The following LHFPL3 variants were observed in gnomAD, a reference collection of about 807,000 sequenced individuals.
LHFPL3 encodes the protein LHFPL tetraspan subfamily member 3, also known as LHFPL tetraspan subfamily member 3 protein.
In LHFPL3, 5 loss-of-function variants were observed where a neutral mutation model predicts 19.3. That is an observed-to-expected ratio of 0.26 (90% confidence interval 0.14 to 0.54). The LOEUF (loss-of-function observed/expected upper bound fraction) is 0.54. LHFPL3 is among the 20% of genes least tolerant of loss of function. The pLI is 0.94. For missense variants in LHFPL3, 249 were observed against 307.4 expected, an observed-to-expected ratio of 0.81 and a Z score of 1.42; for synonymous variants, 133 against 126.2, an observed-to-expected ratio of 1.05 and a Z score of -0.36.
intron 2 of LHFPL3, among the ~76,000 whole-genome samples, chr7:104,883,339 A>G (rs2116689110): frequency 6.6e-6 from 1 of 152,346 alleles, no homozygotes; most frequent in Admixed American, 6.5e-5. Flanking sequence ...GTTACATGAA[A>G]TAATATGTTT....
rs560442120 is a variant in LHFPL3, at chr7:104,905,523, A to G, written c.683-664A>G. ...GCTCACTTCAGCTCAGGAGTTCGAG[A>G]TCAGCCTGGGCAACATGGTGAAACC... On this transcript the variant is annotated intron_variant, in intron 2 of 2. Coordinates refer to ENST00000424859, the MANE Select transcript of LHFPL3 (RefSeq NM_199000.3). Among the ~76,000 whole-genome samples, 240 of 152,242 alleles carry G rather than the reference A, an allele frequency of 1.6e-3. 1 individual carries two copies. The highest frequency in any genetic ancestry group is 5.3e-3 in the African/African-American group (221 of 41,560).
At chr7:104,482,172 G>A (rs1336116894) in intron 1 of LHFPL3, among the ~76,000 whole-genome samples, 1 of 152,116 alleles carries the variant, frequency 6.6e-6, no homozygotes, top group African/African-American at 2.4e-5. Flanking sequence ...TGGACTCCTG[G>A]GAAATCCCAC....
At chr7:104,876,502 G>A (rs917237476) in intron 2 of LHFPL3, among the ~76,000 whole-genome samples, 224 of 151,314 alleles carry the variant, frequency 1.5e-3, no homozygotes, top group Non-Finnish European at 2.1e-3. Flanking sequence ...AGACATTTAT[G>A]CAGCCAAAAG....
At chr7:104,607,200 A>G (rs989861091) in intron 1 of LHFPL3, among the ~76,000 whole-genome samples, 2 of 152,220 alleles carry the variant, frequency 1.3e-5, no homozygotes, top group African/African-American at 4.8e-5. Flanking sequence ...TTGAGGTTAA[A>G]TTATAAACTA....
At chr7:104,870,407 A>T (rs186352343) in intron 2 of LHFPL3, among the ~76,000 whole-genome samples, 1 of 152,220 alleles carries the variant, frequency 6.6e-6, no homozygotes, top group Admixed American at 6.5e-5. Flanking sequence ...CCCGACTTGC[A>T]CCTCTGGGAA....
At chr7:104,639,414 G>C (rs1396434979) in intron 1 of LHFPL3, among the ~76,000 whole-genome samples, 2 of 152,140 alleles carry the variant, frequency 1.3e-5, no homozygotes, top group Non-Finnish European at 1.5e-5. Flanking sequence ...TGTGGAGTCA[G>C]TGGTAATGTC....
intron 1 of LHFPL3, among the ~76,000 whole-genome samples, chr7:104,603,162 C>CCTTCCTTTCTTT (rs1256712820): frequency 7.8e-6 from 1 of 128,614 alleles, no homozygotes; most frequent in East Asian, 2.2e-4. Flanking sequence ...TTCCTTCCTT[C>CCTTCCTTTCTTT]CTTTCTTTCT....
chr7:104,865,558 A>G (rs904583777), intron 2 of LHFPL3, among the ~76,000 whole-genome samples: 2 of 152,232 alleles, frequency 1.3e-5, no homozygotes, highest in African/African-American at 4.8e-5. Context: ...AAAGCCTCCA[A>G]GAAATATAGG....
intron 2 of LHFPL3, among the ~76,000 whole-genome samples, chr7:104,787,836 G>A (rs1345958266): frequency 2.6e-5 from 4 of 152,162 alleles, no homozygotes; most frequent in Non-Finnish European, 5.9e-5. Flanking sequence ...AGTGCTTGGT[G>A]TCTCCTTTAT....
At chr7:104,536,211 A>G (rs758312999) in intron 1 of LHFPL3, among the ~76,000 whole-genome samples, 1 of 152,234 alleles carries the variant, frequency 6.6e-6, no homozygotes, top group Admixed American at 6.5e-5. Context: ...AAGGTTTCTA[A>G]GTTTAAAAAC....
At chr7:104,375,293 A>C (rs1432963989) in intron 1 of LHFPL3, among the ~76,000 whole-genome samples, 1 of 152,176 alleles carries the variant, frequency 6.6e-6, no homozygotes. Context: ...AGCTGAGATC[A>C]CACCACTGCA....
At chr7:104,404,265 C>G (rs1791374280) in intron 1 of LHFPL3, among the ~76,000 whole-genome samples, 2 of 152,124 alleles carry the variant, frequency 1.3e-5, no homozygotes, top group African/African-American at 4.8e-5. Context: ...TTCCTACTTC[C>G]TATAACAGAT....
At chr7:104,451,125 C>T (rs926978336) in intron 1 of LHFPL3, among the ~76,000 whole-genome samples, 3 of 152,082 alleles carry the variant, frequency 2.0e-5, no homozygotes, top group Admixed American at 6.6e-5. Context: ...GAAAATGGAA[C>T]GGAAACTATA....
chr7:104,834,490 T>C (rs190345999), intron 2 of LHFPL3, among the ~76,000 whole-genome samples: 1 of 151,956 alleles, frequency 6.6e-6, no homozygotes, highest in African/African-American at 2.4e-5. Flanking sequence ...TTCTGAAGCA[T>C]CATTTGCTTA....
At chr7:104,659,399 G>T (rs1792181075) in intron 1 of LHFPL3, among the ~76,000 whole-genome samples, 1 of 152,216 alleles carries the variant, frequency 6.6e-6, no homozygotes, top group Non-Finnish European at 1.5e-5. Flanking sequence ...ATGGGATCCA[G>T]ACTTCCATTG....
intron 1 of LHFPL3, among the ~76,000 whole-genome samples, chr7:104,509,850 A>T (rs1793777121): frequency 6.6e-6 from 1 of 152,108 alleles, no homozygotes; most frequent in Non-Finnish European, 1.5e-5. Context: ...GTCCCAAGGA[A>T]TCTACAAAAA....
At chr7:104,473,718 G>A (rs1261951276) in intron 1 of LHFPL3, among the ~76,000 whole-genome samples, 1 of 152,214 alleles carries the variant, frequency 6.6e-6, no homozygotes, top group African/African-American at 2.4e-5. Context: ...GGAGTTAGAT[G>A]AGACACTACA....
At chr7:104,655,572 G>A (rs1792107188) in intron 1 of LHFPL3, among the ~76,000 whole-genome samples, 1 of 152,192 alleles carries the variant, frequency 6.6e-6, no homozygotes, top group African/African-American at 2.4e-5. Flanking sequence ...ATGTGGACAA[G>A]GGTCAAATAC....
At chr7:104,400,396 TAATC>T (rs1317826926) in intron 1 of LHFPL3, among the ~76,000 whole-genome samples, 1 of 152,160 alleles carries the variant, frequency 6.6e-6, no homozygotes, top group African/African-American at 2.4e-5. Context: ...AGAATATAAT[TAATC>T]CTATTTGGTA....
Sources: allele counts gnomAD v4.1 joint callset (sites outside exome capture counted in the v4.1 genomes callset), GRCh38; gene constraint gnomAD v4.1.1; transcripts MANE v1.5; gene names NCBI Gene and HGNC (gene_info 2026-07-23, HGNC 2026-07-21).